The following DOCK1 variants were observed in gnomAD, a reference collection of about 807,000 sequenced individuals.
DOCK1 encodes dedicator of cytokinesis protein 1.
A neutral mutation model predicts 262.7 loss-of-function variants in DOCK1; 138 were observed. The ratio of observed to expected loss-of-function variants is 0.53; its 90% confidence interval spans 0.46 to 0.61. The LOEUF (loss-of-function observed/expected upper bound fraction) is 0.61. Among genes scored for constraint, DOCK1 ranks in the 20% least tolerant of loss-of-function variants. The probability of loss-of-function intolerance (pLI) is 0.00; values close to 1 mark genes in which losing one functional copy is unlikely to be tolerated. For synonymous variants in DOCK1, 866 were observed against 867.4 expected (o/e 1.00, Z 0.03); for missense variants, 1,908 against 2,370.7 (o/e 0.80, Z 4.05).
chr10:126,949,116 G>T (rs1262686307), intron 1 of DOCK1, among the ~76,000 whole-genome samples: 2 of 152,086 alleles, frequency 1.3e-5, no homozygotes, highest in Non-Finnish European at 2.9e-5. Context: ...TCCTGCCCTT[G>T]CTGCCTGCCT....
chr10:127,049,259 A>G (rs1370971646), intron 21 of DOCK1, among the ~76,000 whole-genome samples: 1 of 152,180 alleles, frequency 6.6e-6, no homozygotes, highest in Admixed American at 6.5e-5. Flanking sequence ...GCTCATGCCT[A>G]TAATCCCAAC....
intron 1 of DOCK1, among the ~76,000 whole-genome samples, chr10:126,942,286 G>A (rs2134263079): frequency 6.6e-6 from 1 of 152,330 alleles, no homozygotes; most frequent in Admixed American, 6.5e-5. Flanking sequence ...GCCTCCCGAA[G>A]TGCTGGGATT....
intron 1 of DOCK1, among the ~76,000 whole-genome samples, chr10:126,941,566 C>G (rs982413499): frequency 7.9e-5 from 12 of 152,262 alleles, no homozygotes; most frequent in East Asian, 5.8e-4. Flanking sequence ...ACCATCCTGG[C>G]TAACACGGTG....
intron 18 of DOCK1, among the ~76,000 whole-genome samples, chr10:127,033,581 G>A (rs1203910130): frequency 6.6e-6 from 1 of 152,116 alleles, no homozygotes; most frequent in Non-Finnish European, 1.5e-5. Flanking sequence ...CCTCTTAACT[G>A]CCCGATACAG....
intron 35 of DOCK1, among the ~76,000 whole-genome samples, chr10:127,376,972 C>T (rs538638727): frequency 1.3e-5 from 2 of 152,204 alleles, no homozygotes; most frequent in South Asian, 2.1e-4. Flanking sequence ...CAGAGCCAGA[C>T]TCAGTGCCCA....
chr10:127,389,008 T>G (rs560340504), intron 38 of DOCK1, among the ~76,000 whole-genome samples: 1 of 152,354 alleles, frequency 6.6e-6, no homozygotes, highest in Non-Finnish European at 1.5e-5. Context: ...CAACTAGAGA[T>G]GTGAGAATAA....
chr10:126,980,901 C>T (rs2038917114), intron 3 of DOCK1, among the ~76,000 whole-genome samples: 1 of 152,060 alleles, frequency 6.6e-6, no homozygotes, highest in Admixed American at 6.5e-5. Flanking sequence ...TTGCTTTATT[C>T]CAGTAAGGGA....
rs752097388 is a variant in DOCK1 at position 126,996,839 on chromosome 10, G to A, written c.565G>A (p.Glu189Lys). 3 of 1,611,542 alleles carry A rather than the reference G, an allele frequency of 1.9e-6. No homozygotes were observed. The South Asian group carries it at 3.3e-5, about 18-fold the overall frequency. ...CACGATTAGTCTCTTCAGAGCTCAT[G>A]AAATAGCTTCTAAACAAGTGGAGGA... is the stretch of plus-strand genomic sequence containing the variant. ...TSTISLFRAH[E>K]IASKQVEERL... Residue 189 changes from glutamate (E) to lysine (K), a missense_variant, in exon 7 of 52, where the codon GAA (glutamate) becomes AAA (lysine). Transcript: ENST00000623213.
At chr10:127,286,857 A>G (rs776613060) in intron 29 of DOCK1, among the ~76,000 whole-genome samples, 23 of 148,428 alleles carry the variant, frequency 1.5e-4, no homozygotes, top group Non-Finnish European at 2.8e-4. Flanking sequence ...TGACACCCCT[A>G]CTTTTTTTCT....
intron 40 of DOCK1, among the ~76,000 whole-genome samples, chr10:127,406,362 C>A (rs2067515585): frequency 6.6e-6 from 1 of 152,172 alleles, no homozygotes; most frequent in East Asian, 1.9e-4. Flanking sequence ...AGGGGCGGTG[C>A]TGGGTCATCT....
intron 27 of DOCK1, among the ~76,000 whole-genome samples, chr10:127,198,691 G>T (rs1024748980): frequency 1.3e-5 from 2 of 151,660 alleles, no homozygotes; most frequent in African/African-American, 2.4e-5. Context: ...GTTCAATTGT[G>T]TAGTAGACTT....
intron 51 of DOCK1, 24 bp from the exon 52 acceptor site, chr10:127,451,308 C>A: frequency 1.3e-6 from 2 of 1,569,928 alleles, no homozygotes; most frequent in Non-Finnish European, 1.7e-6. Context: ...TATGTGACAT[C>A]TTCCCCATCC....
At chr10:127,042,574 G>A in intron 19 of DOCK1, 51 bp from the exon 20 acceptor site, 1 of 1,492,978 alleles carries the variant, frequency 6.7e-7, no homozygotes, top group African/African-American at 1.4e-5. Context: ...CCAGTGTGTG[G>A]GGGAAGTCCG....
intron 27 of DOCK1, among the ~76,000 whole-genome samples, chr10:127,206,136 CTTTT>C (rs34450374): frequency 6.1e-4 from 48 of 78,660 alleles, no homozygotes; most frequent in Admixed American, 1.0e-3. Context: ...TTCTTCTTCT[CTTTT>C]TTTTTTTTTT....
chr10:127,364,479 GCCTCA>G (rs2064785383), intron 33 of DOCK1, among the ~76,000 whole-genome samples: 6 of 152,240 alleles, frequency 3.9e-5, no homozygotes, highest in Non-Finnish European at 7.3e-5. Flanking sequence ...TGATTCTCCT[GCCTCA>G]GCCTCTGAGT....
chr10:127,113,290 A>T lies in DOCK1; in HGVS notation c.2623+2936A>T, dbSNP rs759444677. On this transcript the variant is annotated intron_variant, in intron 25 of 51. Transcript: ENST00000623213. Reference sequence around the variant, plus strand: ...GCCACTGAATGCACTTGCCCTTAGTAAACATCCTCTGGAGGATGTGTTCAG... The same window carrying T: ...GCCACTGAATGCACTTGCCCTTAGTTAACATCCTCTGGAGGATGTGTTCAG... Among the ~76,000 whole-genome samples the T allele has an allele frequency of 2.0e-4, 31 of 152,116 alleles. 1 individual carries two copies. Among genetic ancestry groups the T allele is most frequent in the Non-Finnish European group, 3.1e-4 (21 of 68,022 alleles).
At position 127,276,988 on chromosome 10, in the gene DOCK1, T is replaced by A. The variant is rs1466578064; in HGVS notation, c.3044+19559T>A. Among the ~76,000 whole-genome samples, 3 of 152,186 alleles carry A rather than the reference T, an allele frequency of 2.0e-5. No individual in the cohort carries two copies. In the East Asian group the frequency reaches 5.8e-4, roughly 29 times the overall value. ...GACTAGATGCATCTTACTGATCACGTTGATGTGGAGGGGCCTCATCTCTCT... is the reference window on the plus strand; with the variant it reads ...GACTAGATGCATCTTACTGATCACGATGATGTGGAGGGGCCTCATCTCTCT... On this transcript the variant is annotated intron_variant, in intron 29 of 51. Coordinates refer to ENST00000623213, the MANE Select transcript of DOCK1 (RefSeq NM_001290223.2).
In DOCK1 at chr10:127,105,552, A is replaced by T. The variant is rs145527537; in HGVS notation, c.2446-679A>T. On this transcript the variant is annotated intron_variant, in intron 23 of 51. Coordinates refer to ENST00000623213, the MANE Select transcript of DOCK1 (RefSeq NM_001290223.2). ...GTTGAAGTGAATTTAATGGAAGAGG[A>T]TTATTCTGAGGGGGACAGGTCTTCA... 2.5e-3 allele frequency among the ~76,000 whole-genome samples: 377 copies of T among 152,270 alleles called. 1 individual carries two copies. Among genetic ancestry groups the T allele is most frequent in the Middle Eastern group, 0.01 (3 of 294 alleles).
At chr10:126,998,493 T>A (rs1465391685) in intron 8 of DOCK1, 5 of 439,134 alleles carry the variant, frequency 1.1e-5, no homozygotes, top group Non-Finnish European at 2.1e-5. Flanking sequence ...CAGTTGCAGG[T>A]ACACTCTGGC....
Sources: allele counts gnomAD v4.1 joint callset (sites outside exome capture counted in the v4.1 genomes callset), GRCh38; gene constraint gnomAD v4.1.1; transcripts MANE v1.5; gene names NCBI Gene and HGNC (gene_info 2026-07-23, HGNC 2026-07-21).